SYNM: variants seen among roughly 807,000 people sequenced by gnomAD.
SYNM encodes synemin.
Under a neutral mutation model 104.0 loss-of-function variants are expected in SYNM, and 95 were observed. The ratio of observed to expected loss-of-function variants is 0.91; its 90% CI spans 0.77 to 1.08. SYNM has a LOEUF of 1.08. SYNM is among the 50% of genes least tolerant of loss of function. The pLI is 0.00. For synonymous variants in SYNM, 918 were observed against 869.0 expected, an observed-to-expected ratio of 1.06 and a Z score of -0.99; for missense variants, 2,150 against 2,052.2, an observed-to-expected ratio of 1.05 and a Z score of -0.92.
chr15:99,109,627 G>T (rs1175268774), intron 1 of SYNM, among the ~76,000 whole-genome samples: 2 of 152,182 alleles, frequency 1.3e-5, no homozygotes, highest in African/African-American at 4.8e-5. Context: ...TGTGAAACGA[G>T]GTACTGGAAG....
chr15:99,122,954 C>T (rs1216026063), intron 2 of SYNM, among the ~76,000 whole-genome samples: 3 of 152,128 alleles, frequency 2.0e-5, no homozygotes, highest in African/African-American at 7.2e-5. Context: ...GTCCACAGTC[C>T]CTTCCCTTGT....
Position 99,131,841 on chromosome 15 carries a change from G to A in SYNM, c.3481G>A (p.Ala1161Thr), listed in dbSNP as rs1555485983. Residue 1161 changes from alanine (A) to threonine (T), a missense_variant, in exon 4 of 4, where the codon GCA becomes ACA. Ala to Thr is a moderately conservative substitution (Grantham distance 58). Coordinates refer to ENST00000336292, the MANE Select transcript of SYNM (RefSeq NM_145728.3). The surrounding 1 kb of genome is among the most constrained non-coding windows in gnomAD (Gnocchi z 4.3). ...EVSAGGDLSQ[A>T]ASPTGASRSV... is the part of the protein sequence containing the mutation. ...AAGTGCGGGAGGTGACCTAAGTCAGGCAGCGAGCCCGACCGGAGCCAGCCG... is the reference window on the plus strand; with the variant it reads ...AAGTGCGGGAGGTGACCTAAGTCAGACAGCGAGCCCGACCGGAGCCAGCCG... 6 of 1,613,856 alleles carry A rather than the reference G, an allele frequency of 3.7e-6. No homozygotes were observed. Among genetic ancestry groups the A allele is most frequent in the Non-Finnish European group, 5.1e-6 (6 of 1,179,890 alleles).
chr15:99,114,652 C>T (rs969009215), intron 2 of SYNM, among the ~76,000 whole-genome samples: 1 of 152,062 alleles, frequency 6.6e-6, no homozygotes, highest in African/African-American at 2.4e-5. Context: ...AGGTAACCAA[C>T]TCTGATGAAA....
chr15:99,129,785 C>G lies in SYNM; in HGVS notation c.1425C>G (p.Arg475=), dbSNP rs1555485464. ...STIARESYRD[R]RDKVAAGASE... is the part of the protein sequence containing the mutation. ...TTGCCCGCGAGTCGTACCGGGATCGCCGAGACAAGGTGGCAGCAGGTGCTT... is the reference window on the plus strand; with the variant it reads ...TTGCCCGCGAGTCGTACCGGGATCGGCGAGACAAGGTGGCAGCAGGTGCTT... The change falls in exon 4 of 4, where the codon CGC becomes CGG. Residue 475 remains arginine (R), a synonymous_variant. Transcript: ENST00000336292. 6 of 1,613,296 alleles carry G rather than the reference C, an allele frequency of 3.7e-6. No homozygotes were observed. Among genetic ancestry groups the G allele is most frequent in the Non-Finnish European group, 5.1e-6 (6 of 1,179,682 alleles).
At chr15:99,112,355 G>C (rs2067306625) in intron 1 of SYNM, among the ~76,000 whole-genome samples, 1 of 152,324 alleles carries the variant, frequency 6.6e-6, no homozygotes, top group South Asian at 2.1e-4. Context: ...ATACTTGCTT[G>C]GTTAATTGTT....
At chr15:99,110,487 C>T (rs2067291707) in intron 1 of SYNM, among the ~76,000 whole-genome samples, 2 of 152,204 alleles carry the variant, frequency 1.3e-5, no homozygotes, top group South Asian at 4.1e-4. Context: ...CTGGGCTAAG[C>T]TATAAATACT....
At chr15:99,117,949 C>G (rs1426155075) in intron 2 of SYNM, among the ~76,000 whole-genome samples, 2 of 152,202 alleles carry the variant, frequency 1.3e-5, no homozygotes, top group Admixed American at 1.3e-4. Flanking sequence ...AATTTAGGAG[C>G]TACTCGTGCT....
At position 99,134,831 on chromosome 15, in the gene SYNM, T is replaced by G. The variant is rs530497038; in HGVS notation, c.*1773T>G. 3.2e-4 allele frequency: 49 copies of G among 152,380 alleles called. No individual in the cohort carries two copies. Among genetic ancestry groups the G allele is most frequent in the African/African-American group, 1.1e-3 (46 of 41,590 alleles). The allele number at this position is 152,380 out of a possible 1,614,324, so 9.4% of individuals were successfully genotyped here. On this transcript the variant is annotated 3_prime_UTR_variant, in exon 4 of 4. Coordinates refer to ENST00000336292, the MANE Select transcript of SYNM (RefSeq NM_145728.3). Reference sequence around the variant, plus strand: ...AGAAAGTTGATTGGAATAGCAAGTTTAAACCTTTGTTGTCCATCTGCCAAA... The same window carrying G: ...AGAAAGTTGATTGGAATAGCAAGTTGAAACCTTTGTTGTCCATCTGCCAAA...
downstream of SYNM, chr15:99,139,757 T>A (rs1482072155): frequency 6.9e-6 from 9 of 1,313,668 alleles, no homozygotes; most frequent in Non-Finnish European, 9.0e-6. Context: ...GGAAAAGATT[T>A]AAAAAAATAG....
chr15:99,115,994 C>T (rs2067345386), intron 2 of SYNM, among the ~76,000 whole-genome samples: 1 of 152,256 alleles, frequency 6.6e-6, no homozygotes, highest in African/African-American at 2.4e-5. Context: ...CCCCAGGAGG[C>T]TGCTAAGGGG....
In SYNM at chr15:99,131,540, T is replaced by G. The variant is rs2067507516; in HGVS notation, c.3180T>G (p.Ala1060=). The G allele has an allele frequency of 6.2e-7, 1 of 1,608,472 alleles. No homozygotes were observed. The highest frequency in any genetic ancestry group is 1.3e-5 in the African/African-American group (1 of 74,940). ...AGGAAGGTGGAGCGGAGGCCCCGGCTGCTGGCATTCGCTTTAGGCGTTGGG... is the reference window on the plus strand; with the variant it reads ...AGGAAGGTGGAGCGGAGGCCCCGGCGGCTGGCATTCGCTTTAGGCGTTGGG... ...PDEEGGAEAP[A]AGIRFRRWAT... Residue 1060 remains alanine, a synonymous_variant, in exon 4 of 4, where the codon GCT becomes GCG. Coordinates refer to ENST00000336292, the MANE Select transcript of SYNM (RefSeq NM_145728.3). This position sits in a 1 kb window ranked among gnomAD's most constrained non-coding sequence, Gnocchi z 4.3.
At position 99,130,456 on chromosome 15, in the gene SYNM, C is replaced by T; in HGVS notation, c.2096C>T (p.Ser699Phe). Residue 699 changes from serine to phenylalanine, a missense_variant, in exon 4 of 4, where the codon TCC becomes TTC. Coordinates refer to ENST00000336292, the MANE Select transcript of SYNM (RefSeq NM_145728.3). ...ESKLTEDVDV[S>F]DEAGLDYLLS... ...AAACTGACTGAGGATGTTGATGTTT[C>T]CGATGAAGCTGGCCTGGACTACCTT... 1 of 1,613,816 alleles carries T rather than the reference C, an allele frequency of 6.2e-7. No homozygotes were observed. Among genetic ancestry groups the T allele is most frequent in the Non-Finnish European group, 8.5e-7 (1 of 1,179,882 alleles).
At position 99,133,128 on chromosome 15, in the gene SYNM, T is replaced by C; in HGVS notation, c.*70T>C. On this transcript the variant is annotated 3_prime_UTR_variant, in exon 4 of 4. Transcript: ENST00000336292. ...CCAACATCCAAAGGCCTTAACTTATTTTAAGAGGCCGAGGGAGTCTATGAA... is the reference window on the plus strand; with the variant it reads ...CCAACATCCAAAGGCCTTAACTTATCTTAAGAGGCCGAGGGAGTCTATGAA... 1 of 1,583,602 alleles carries C rather than the reference T, an allele frequency of 6.3e-7. No individual in the cohort carries two copies. The highest frequency in any genetic ancestry group is 8.5e-7 in the Non-Finnish European group (1 of 1,171,704).
chr15:99,118,291 G>A (rs1555484168), intron 2 of SYNM, among the ~76,000 whole-genome samples: 1 of 152,250 alleles, frequency 6.6e-6, no homozygotes, highest in East Asian at 1.9e-4. Context: ...AGTCTGCACT[G>A]CTCCGATTCG....
At chr15:99,106,950 T>G (rs1236201083) in intron 1 of SYNM, among the ~76,000 whole-genome samples, 1 of 152,176 alleles carries the variant, frequency 6.6e-6, no homozygotes, top group Non-Finnish European at 1.5e-5. Flanking sequence ...GAGACTGACT[T>G]TTAAAAATTA....
rs113261217 is a variant in SYNM at position 99,133,299 on chromosome 15, T to C, written c.*241T>C. On this transcript the variant is annotated 3_prime_UTR_variant, in exon 4 of 4. Coordinates refer to ENST00000336292, the MANE Select transcript of SYNM (RefSeq NM_145728.3). ...GTTGGGACTTTTACAAAACACTTTT[T>C]TCCCTGGAGTCTTCTCTCCACTTCT... The C allele has an allele frequency of 0.051, 34,251 of 667,102 alleles. 1,043 individuals carry two copies. Among genetic ancestry groups the C allele is most frequent in the Non-Finnish European group, 0.063 (27,350 of 434,830 alleles). 41.3% of individuals were successfully genotyped at this position (667,102 alleles called of 1,614,324 possible). A position where few individuals can be genotyped will look rare whatever the true frequency, so the allele number is the denominator to read the frequency against.
At chr15:99,139,284 GAGAT>G (rs10548747), downstream of SYNM, 379,399 of 1,604,482 alleles carry the variant, frequency 0.24, 47,838 homozygotes, top group African/African-American at 0.47. Flanking sequence ...GAAAGGGAAT[GAGAT>G]AGAGAAAGTG....
Position 99,105,088 on chromosome 15 carries a change from G to C in SYNM, c.-112G>C. 7.9e-7 allele frequency: 1 copy of C among 1,262,412 alleles called. No individual in the cohort carries two copies. The highest frequency in any genetic ancestry group is 1.1e-6 in the Non-Finnish European group (1 of 935,850). 78.2% of individuals were successfully genotyped at this position (1,262,412 alleles called of 1,614,324 possible). On this transcript the variant is annotated 5_prime_UTR_variant, in exon 1 of 4. Coordinates refer to ENST00000336292, the MANE Select transcript of SYNM (RefSeq NM_145728.3). ...TCTCCCGCTCGCGTCCCAGTCTGCG[G>C]GCCTCCGGGGCAGCGGCGAGGCCGG...
Position 99,131,408 on chromosome 15 carries a change from G to A in SYNM, c.3048G>A (p.Leu1016=). ...SQTVDADRLD[L]EELSKDEASE... ...CTGTGGATGCCGATCGGTTAGACCTGGAGGAGCTGAGCAAAGATGAGGCCA... is the reference window on the plus strand; with the variant it reads ...CTGTGGATGCCGATCGGTTAGACCTAGAGGAGCTGAGCAAAGATGAGGCCA... Residue 1016 remains leucine (L), a synonymous_variant, in exon 4 of 4, where the codon CTG becomes CTA. Coordinates refer to ENST00000336292, the MANE Select transcript of SYNM (RefSeq NM_145728.3). This position sits in a 1 kb window ranked among gnomAD's most constrained non-coding sequence, Gnocchi z 4.3. The A allele has an allele frequency of 1.2e-6, 2 of 1,612,000 alleles. No individual in the cohort carries two copies. Among genetic ancestry groups the A allele is most frequent in the South Asian group, 2.2e-5 (2 of 90,708 alleles).
Sources: gnomAD v4.1 joint callset for allele counts (sites outside exome capture counted in the v4.1 genomes callset) on GRCh38, gnomAD v4.1.1 for gene constraint, Gnocchi (gnomAD v3.1) non-coding constraint, MANE v1.5 for transcripts, NCBI Gene and HGNC (gene_info 2026-07-23, HGNC 2026-07-21) for gene names.